Variants in RASSF6 observed in about 807,000 individuals in gnomAD.
The protein encoded by RASSF6 is ras association domain-containing protein 6.
RASSF6 carries 52 observed loss-of-function variants against 44.0 expected under a neutral mutation model. The ratio of observed to expected loss-of-function variants is 1.18; its 90% CI spans 0.95 to 1.49. RASSF6 has a LOEUF of 1.49. Ranked by LOEUF, RASSF6 falls within the 40% of genes most tolerant of loss-of-function variation. RASSF6 has a pLI of 0.00. For missense variants in RASSF6, 464 were observed against 393.3 expected (o/e 1.18, Z -1.52); for synonymous variants, 162 against 124.6 (o/e 1.30, Z -2.00).
intron 2 of RASSF6, among the ~76,000 whole-genome samples, chr4:73,611,390 T>A (rs1726001975): frequency 6.6e-6 from 1 of 152,180 alleles, no homozygotes; most frequent in Non-Finnish European, 1.5e-5. Flanking sequence ...GGACAGGACA[T>A]AATGTTTTTG....
intron 1 of RASSF6, among the ~76,000 whole-genome samples, chr4:73,614,188 A>G (rs1376390692): frequency 6.6e-6 from 1 of 152,176 alleles, no homozygotes; most frequent in African/African-American, 2.4e-5. Context: ...CCAAATTCGA[A>G]AGCTTTGATT....
chr4:73,576,196 G>T lies in RASSF6; in HGVS notation c.*39C>A. 1 of 1,137,734 alleles carries T rather than the reference G, an allele frequency of 8.8e-7. No individual in the cohort carries two copies. The highest frequency in any genetic ancestry group is 1.3e-6 in the Non-Finnish European group (1 of 773,472). The allele number at this position is 1,137,734 out of a possible 1,614,324, so 70.5% of individuals were successfully genotyped here. ...GCATTCATCAAAGAGTAATATCTCT[G>T]AGTTTTTTGAAATGTTTTAGCAATA... On this transcript the variant is annotated 3_prime_UTR_variant, in exon 11 of 11. Transcript: ENST00000307439.
intron 1 of RASSF6, among the ~76,000 whole-genome samples, chr4:73,618,592 T>C (rs1353479463): frequency 6.6e-6 from 1 of 152,198 alleles, no homozygotes; most frequent in Non-Finnish European, 1.5e-5. Context: ...GATTCCTTTA[T>C]AAGTTTTTAG....
intron 4 of RASSF6, among the ~76,000 whole-genome samples, chr4:73,591,739 G>C (rs1477206257): frequency 3.9e-5 from 6 of 152,070 alleles, no homozygotes; most frequent in Non-Finnish European, 8.8e-5. Context: ...GAGATAGATA[G>C]AGGGACTAAG....
intron 3 of RASSF6, among the ~76,000 whole-genome samples, chr4:73,594,523 G>T (rs1220246370): frequency 6.6e-6 from 1 of 152,072 alleles, no homozygotes; most frequent in Non-Finnish European, 1.5e-5. Flanking sequence ...TTTAAACTTG[G>T]GCTTTCTCAT....
At chr4:73,620,456 G>A, upstream of RASSF6, 1 of 1,547,118 alleles carries the variant, frequency 6.5e-7, no homozygotes, top group Non-Finnish European at 8.7e-7. Flanking sequence ...GGAGGTCCGA[G>A]GCCCGCGCGG....
intron 4 of RASSF6, 132 bp downstream of exon 4, chr4:73,593,319 G>T: frequency 1.1e-6 from 1 of 943,782 alleles, no homozygotes. Flanking sequence ...CCCGGCCATT[G>T]CTGGGAAATT....
intron 5 of RASSF6, among the ~76,000 whole-genome samples, chr4:73,586,108 G>C (rs1724068339): frequency 6.6e-6 from 1 of 150,558 alleles, no homozygotes; most frequent in African/African-American, 2.4e-5. Flanking sequence ...ATGGTATGTG[G>C]AGCATTGAAA....
chr4:73,576,904 T>G (rs1723274348), intron 8 of RASSF6, among the ~76,000 whole-genome samples, 173 bp from the exon 9 acceptor site: 1 of 152,224 alleles, frequency 6.6e-6, no homozygotes, highest in South Asian at 2.1e-4. Context: ...ATGAACTTCT[T>G]TCTCTTACTG....
At position 73,576,110 on chromosome 4, in the gene RASSF6, A is replaced by G. The variant is rs556469775; in HGVS notation, c.*125T>C. ...CAAAAAGAAATGAGCTTTTTTTGAC[A>G]TTCAATTTTCTACGATTCAAGTCTC... is the stretch of plus-strand genomic sequence containing the variant. On this transcript the variant is annotated 3_prime_UTR_variant, in exon 11 of 11. Transcript: ENST00000307439. 3.6e-5 allele frequency: 20 copies of G among 556,782 alleles called. No homozygotes were observed. The South Asian group carries it at 5.2e-4, about 15-fold the overall frequency. The allele number at this position is 556,782 out of a possible 1,614,324, so 34.5% of individuals were successfully genotyped here.
At chr4:73,613,979 TA>T (rs1370117991) in intron 1 of RASSF6, among the ~76,000 whole-genome samples, 1 of 152,210 alleles carries the variant, frequency 6.6e-6, no homozygotes, top group East Asian at 1.9e-4. Flanking sequence ...AATCTCTACT[TA>T]GATGTGTACC....
rs1222946787 is a variant in RASSF6 at position 73,593,617 on chromosome 4, C to A, written c.145-24G>T. The A allele has an allele frequency of 5.0e-6, 8 of 1,604,662 alleles. No homozygotes were observed. In the African/African-American group the frequency reaches 1.1e-4, roughly 22 times the overall value. ...GTCTAAGGAAGAAATGAATAATCCC[C>A]CAATTGTTTTTGTATTATTTATAGA... On this transcript the variant is annotated intron_variant, in intron 3 of 10. Coordinates refer to ENST00000307439, the MANE Select transcript of RASSF6 (RefSeq NM_177532.5).
chr4:73,588,817 T>TCATCATCAC (rs747774396), intron 4 of RASSF6, among the ~76,000 whole-genome samples: 4 of 151,550 alleles, frequency 2.6e-5, no homozygotes, highest in Non-Finnish European at 4.4e-5. Context: ...ATCATCATCA[T>TCATCATCAC]CACCAGCATC....
rs1308189899 is a variant in RASSF6, at chr4:73,573,041, T to G, written c.*3194A>C. The G allele has an allele frequency of 6.6e-6, 1 of 152,096 alleles. No individual in the cohort carries two copies. Among genetic ancestry groups the G allele is most frequent in the Non-Finnish European group, 1.5e-5 (1 of 68,000 alleles). 9.4% of individuals were successfully genotyped at this position (152,096 alleles called of 1,614,324 possible). A position where few individuals can be genotyped will look rare whatever the true frequency, so the allele number is the denominator to read the frequency against. On this transcript the variant is annotated 3_prime_UTR_variant, in exon 11 of 11. Coordinates refer to ENST00000307439, the MANE Select transcript of RASSF6 (RefSeq NM_177532.5). ...GTGTATGTGTATATTCTTATTTAGA[T>G]ATATAAGAATTTACCCCTGTAATTA...
At chr4:73,607,892 C>T (rs1725750682) in intron 2 of RASSF6, among the ~76,000 whole-genome samples, 1 of 127,316 alleles carries the variant, frequency 7.9e-6, no homozygotes, top group African/African-American at 3.0e-5. Context: ...TCCTCCAACC[C>T]CTCCCCTCCC....
At chr4:73,579,317 A>T (rs1314453874) in intron 8 of RASSF6, among the ~76,000 whole-genome samples, 1 of 152,216 alleles carries the variant, frequency 6.6e-6, no homozygotes, top group Non-Finnish European at 1.5e-5. Flanking sequence ...GGAATGGTCA[A>T]GTTAAAGGAC....
At chr4:73,577,173 C>A (rs1487181040) in intron 8 of RASSF6, among the ~76,000 whole-genome samples, 2 of 152,152 alleles carry the variant, frequency 1.3e-5, no homozygotes, top group Non-Finnish European at 2.9e-5. Context: ...TCGCTCCACA[C>A]CCAATTCTTG....
intron 8 of RASSF6, among the ~76,000 whole-genome samples, chr4:73,581,006 G>C (rs1339522019): frequency 6.6e-6 from 1 of 151,514 alleles, no homozygotes; most frequent in East Asian, 1.9e-4. Flanking sequence ...TATGGTTTTA[G>C]GTCTAACGTT....
chr4:73,602,402 C>T (rs1022099425), intron 2 of RASSF6, among the ~76,000 whole-genome samples: 1 of 152,164 alleles, frequency 6.6e-6, no homozygotes, highest in Non-Finnish European at 1.5e-5. Flanking sequence ...AACAAATGTG[C>T]CATGTCTATA....
Sources: allele counts gnomAD v4.1 joint callset (sites outside exome capture counted in the v4.1 genomes callset), GRCh38; gene constraint gnomAD v4.1.1; transcripts MANE v1.5; gene names NCBI Gene and HGNC (gene_info 2026-07-23, HGNC 2026-07-21).